SIPA1L1: variants seen among roughly 807,000 people sequenced by gnomAD.
SIPA1L1 encodes the protein signal-induced proliferation-associated 1-like protein 1.
In SIPA1L1, 26 loss-of-function variants were observed where a neutral mutation model predicts 162.7. The ratio of observed to expected loss-of-function variants is 0.16; its 90% CI spans 0.12 to 0.22. SIPA1L1 has a LOEUF of 0.22. Ranked by LOEUF, SIPA1L1 falls within the 10% of genes least tolerant of loss-of-function variation. The pLI is 1.00. For synonymous variants in SIPA1L1, 829 were observed against 837.4 expected, an observed-to-expected ratio of 0.99 and a Z score of 0.17; for missense variants, 1,874 against 2,241.0, an observed-to-expected ratio of 0.84 and a Z score of 3.31.
chr14:71,658,259 T>C (rs1167635267), intron 8 of SIPA1L1, 74 bp from the exon 9 acceptor site: 5 of 777,462 alleles, frequency 6.4e-6, no homozygotes, highest in Non-Finnish European at 8.7e-6. Context: ...TCTTTTCTTT[T>C]TTGAGATATT....
In SIPA1L1 at chr14:71,730,176, C is replaced by A. The variant is rs927295269; in HGVS notation, c.4736C>A (p.Ser1579Tyr). Residue 1579 changes from serine to tyrosine, a missense_variant, in exon 20 of 24, where the codon TCC becomes TAC. Coordinates refer to ENST00000381232, the MANE Select transcript of SIPA1L1 (RefSeq NM_001386936.1). ...YNSQREHFFT[S>Y]RASLLDQALP... ...AGCCAGAGGGAGCACTTTTTCACCT[C>A]CAGGGCGTCACTTCTGGACCAAGCC... 7.4e-6 allele frequency: 12 copies of A among 1,614,044 alleles called. No homozygotes were observed. Among genetic ancestry groups the A allele is most frequent in the Non-Finnish European group, 1.0e-5 (12 of 1,180,036 alleles).
intron 7 of SIPA1L1, among the ~76,000 whole-genome samples, chr14:71,647,752 G>A (rs1239647437): frequency 6.6e-6 from 1 of 152,136 alleles, no homozygotes; most frequent in East Asian, 1.9e-4. Context: ...AGACCTAATA[G>A]GGTACTTAGC....
intron 17 of SIPA1L1, among the ~76,000 whole-genome samples, chr14:71,712,167 T>G (rs991915729): frequency 1.3e-5 from 2 of 152,232 alleles, no homozygotes; most frequent in Non-Finnish European, 2.9e-5. Flanking sequence ...TGGGACTCAG[T>G]GACAAAGTCT....
At chr14:71,714,032 G>T (rs2083077725) in intron 17 of SIPA1L1, among the ~76,000 whole-genome samples, 1 of 152,124 alleles carries the variant, frequency 6.6e-6, no homozygotes, top group Non-Finnish European at 1.5e-5. Flanking sequence ...TAAGAGATGT[G>T]GTTGACTCTA....
intron 17 of SIPA1L1, among the ~76,000 whole-genome samples, chr14:71,721,079 C>T (rs779478386): frequency 4.6e-5 from 7 of 152,144 alleles, no homozygotes; most frequent in African/African-American, 9.7e-5. Flanking sequence ...TGTTTGTACC[C>T]GTCCTTCTGG....
chr14:71,534,965 A>G (rs1410728501), intron 4 of SIPA1L1, among the ~76,000 whole-genome samples: 1 of 152,258 alleles, frequency 6.6e-6, no homozygotes, highest in Non-Finnish European at 1.5e-5. Flanking sequence ...CATTTAATAC[A>G]CTATTCTCAA....
chr14:71,587,949 C>G lies in SIPA1L1; in HGVS notation c.77C>G (p.Thr26Ser), dbSNP rs2034812215. Residue 26 changes from threonine to serine, a missense_variant, in exon 5 of 24, where the codon ACC becomes AGC. By Grantham distance (58) the Thr-to-Ser change is moderately conservative. Around this residue, in one of 5 missense-constraint regions of SIPA1L1, gnomAD observed 685 missense variants for 828.0 expected, o/e 0.83. Transcript: ENST00000381232. Reference sequence around the variant, plus strand: ...GCCTCTGTTGTTGGCACAGACGGCACCCCCAAAGTCCACACTGATGATTTC... The same window carrying G: ...GCCTCTGTTGTTGGCACAGACGGCAGCCCCAAAGTCCACACTGATGATTTC... ...DRASVVGTDG[T>S]PKVHTDDFYM... 6.2e-7 allele frequency: 1 copy of G among 1,614,032 alleles called. No individual in the cohort carries two copies. Among genetic ancestry groups the G allele is most frequent in the Non-Finnish European group, 8.5e-7 (1 of 1,179,950 alleles).
At chr14:71,595,154 A>T (rs1334136464) in intron 5 of SIPA1L1, among the ~76,000 whole-genome samples, 1 of 152,188 alleles carries the variant, frequency 6.6e-6, no homozygotes, top group Non-Finnish European at 1.5e-5. Flanking sequence ...TTATTTTAAA[A>T]TCAAGATAGG....
At chr14:71,684,192 A>G (rs1285069038) in intron 12 of SIPA1L1, among the ~76,000 whole-genome samples, 1 of 152,238 alleles carries the variant, frequency 6.6e-6, no homozygotes, top group Non-Finnish European at 1.5e-5. Context: ...TTCTGAGCAC[A>G]TGCTCCAAAA....
intron 4 of SIPA1L1, among the ~76,000 whole-genome samples, chr14:71,542,665 CCCTCCT>C (rs141999588): frequency 3.0e-5 from 3 of 100,924 alleles, no homozygotes; most frequent in Non-Finnish European, 4.1e-5. Context: ...TCCTCCTCCT[CCCTCCT>C]CCTCCTCCTC....
At chr14:71,536,013 C>T (rs534996434) in intron 4 of SIPA1L1, among the ~76,000 whole-genome samples, 14 of 152,106 alleles carry the variant, frequency 9.2e-5, no homozygotes, top group African/African-American at 3.1e-4. Flanking sequence ...CATCCTACGG[C>T]AGCTTCACGT....
At chr14:71,384,774 G>A (rs1172970317) in intron 2 of SIPA1L1, among the ~76,000 whole-genome samples, 3 of 152,160 alleles carry the variant, frequency 2.0e-5, no homozygotes, top group Non-Finnish European at 4.4e-5. Context: ...AAAACCGCCA[G>A]TAATCTCACA....
chr14:71,716,189 C>T (rs569478755), intron 17 of SIPA1L1, among the ~76,000 whole-genome samples: 14 of 152,248 alleles, frequency 9.2e-5, no homozygotes, highest in Admixed American at 2.6e-4. Context: ...AATTGTGTTC[C>T]GTACGGTACT....
chr14:71,727,390 C>T (rs907526419), intron 19 of SIPA1L1, among the ~76,000 whole-genome samples: 1 of 151,608 alleles, frequency 6.6e-6, no homozygotes, highest in Non-Finnish European at 1.5e-5. Context: ...AGATAGAGGA[C>T]CAGAGGAGAT....
chr14:71,513,912 C>T (rs1279718287), intron 3 of SIPA1L1, among the ~76,000 whole-genome samples: 2 of 152,146 alleles, frequency 1.3e-5, no homozygotes, highest in African/African-American at 2.4e-5. Flanking sequence ...GCGGTCATGA[C>T]GCAGAACTTC....
intron 2 of SIPA1L1, among the ~76,000 whole-genome samples, chr14:71,460,579 C>T (rs895890060): frequency 6.6e-6 from 1 of 152,154 alleles, no homozygotes; most frequent in Non-Finnish European, 1.5e-5. Context: ...AGGTGGCAAT[C>T]TCAACTTCCA....
At chr14:71,526,452 C>G (rs1240123478) in intron 3 of SIPA1L1, among the ~76,000 whole-genome samples, 2 of 152,278 alleles carry the variant, frequency 1.3e-5, no homozygotes, top group East Asian at 3.9e-4. Flanking sequence ...TATATTCTTT[C>G]ATGTGTCTGG....
chr14:71,418,946 G>C (rs139815605), intron 2 of SIPA1L1, among the ~76,000 whole-genome samples: 148 of 152,250 alleles, frequency 9.7e-4, no homozygotes, highest in Middle Eastern at 3.4e-3. Flanking sequence ...AATGTCCTTG[G>C]CTTGAAGGCC....
intron 4 of SIPA1L1, among the ~76,000 whole-genome samples, chr14:71,543,685 G>A (rs1026727842): frequency 6.7e-5 from 10 of 149,990 alleles, no homozygotes; most frequent in Admixed American, 5.3e-4. Flanking sequence ...CCATTCATGC[G>A]GTCAGTAACT....
Sources: allele counts gnomAD v4.1 joint callset (sites outside exome capture counted in the v4.1 genomes callset), GRCh38; gene constraint gnomAD v4.1.1; regional missense constraint gnomAD v4.1.1; transcripts MANE v1.5; gene names NCBI Gene and HGNC (gene_info 2026-07-23, HGNC 2026-07-21).